The following MORF4L1 variants were observed in gnomAD, a reference collection of about 807,000 sequenced individuals.
MORF4L1 encodes mortality factor 4 like 1.
MORF4L1 carries 4 observed loss-of-function variants against 52.9 expected under a neutral mutation model. The observed-to-expected ratio is 0.08, with a 90% CI of 0.04 to 0.17. The LOEUF (loss-of-function observed/expected upper bound fraction) is 0.17. MORF4L1 is among the 10% of genes least tolerant of loss of function. The probability of loss-of-function intolerance (pLI) is 1.00; values close to 1 mark genes in which losing one functional copy is unlikely to be tolerated. For synonymous variants in MORF4L1, 123 were observed against 134.8 expected (o/e 0.91, Z 0.61); for missense variants, 214 against 390.4 (o/e 0.55, Z 3.81).
At position 78,873,338 on chromosome 15, in the gene MORF4L1, G is replaced by T. The variant is rs1258759869; in HGVS notation, c.40+281G>T. 5 of 960,860 alleles carry T rather than the reference G, an allele frequency of 5.2e-6. No individual in the cohort carries two copies. The African/African-American group carries it at 7.0e-5, about 13-fold the overall frequency. The allele number at this position is 960,860 out of a possible 1,614,324, so 59.5% of individuals were successfully genotyped here. A position where few individuals can be genotyped will look rare whatever the true frequency, so the allele number is the denominator to read the frequency against. ...AAGTGTTTGTTATTGTTCTGAGGAA[G>T]AGGGCGCGGAGAGAGCAGCCTATTG... On this transcript the variant is annotated intron_variant, in intron 1 of 11. Transcript: ENST00000426013.
intron 3 of MORF4L1, among the ~76,000 whole-genome samples, chr15:78,884,302 A>G (rs2056656399): frequency 6.6e-6 from 1 of 152,008 alleles, no homozygotes; most frequent in African/African-American, 2.4e-5. Context: ...TCACGAGGTC[A>G]GGAGTTCAAA....
intron 5 of MORF4L1, among the ~76,000 whole-genome samples, chr15:78,888,033 A>G (rs962888348): frequency 1.1e-4 from 17 of 152,242 alleles, no homozygotes; most frequent in Admixed American, 3.9e-4. Flanking sequence ...TTGGCCTCCC[A>G]GAGTGCTGGG....
At chr15:78,896,811 C>A (rs942765900) in intron 11 of MORF4L1, among the ~76,000 whole-genome samples, 172 bp from the exon 12 acceptor site, 2 of 152,034 alleles carry the variant, frequency 1.3e-5, no homozygotes, top group African/African-American at 2.4e-5. Flanking sequence ...CATTGTATAA[C>A]CTTATTTATT....
chr15:78,893,315 G>A (rs1309000872), intron 8 of MORF4L1, among the ~76,000 whole-genome samples: 1 of 152,144 alleles, frequency 6.6e-6, no homozygotes, highest in Non-Finnish European at 1.5e-5. Flanking sequence ...GGGTTACATC[G>A]CAATAAACCC....
intron 2 of MORF4L1, among the ~76,000 whole-genome samples, chr15:78,879,195 A>ACTCT (rs371479414): frequency 6.6e-6 from 1 of 151,550 alleles, no homozygotes. Context: ...ACCAAGCGAG[A>ACTCT]CTCTCTCTCT....
intron 1 of MORF4L1, chr15:78,877,749 A>T (rs950351418): frequency 6.5e-6 from 1 of 152,738 alleles, no homozygotes; most frequent in Non-Finnish European, 1.5e-5. Context: ...AATCCAGCCA[A>T]TCTCTGATGC....
Position 78,892,296 on chromosome 15 carries a change from A to C in MORF4L1, c.523A>C (p.Ile175Leu). The C allele has an allele frequency of 6.2e-7, 1 of 1,613,190 alleles. No individual in the cohort carries two copies. ...KPWLVDDWDL[I>L]TRQKQLFYLP... ...GTGGCTTGTTGATGACTGGGACTTA[A>C]TTACCAGGCAAAAACAGGTAACTTG... Residue 175 changes from isoleucine to leucine, a missense_variant, in exon 8 of 12, where the codon ATT becomes CTT. Around this residue, in one of 5 missense-constraint regions of MORF4L1, gnomAD observed 68 missense variants for 171.6 expected, o/e 0.40. Coordinates refer to ENST00000426013, the MANE Select transcript of MORF4L1 (RefSeq NM_006791.4).
chr15:78,878,334 G>T, intron 2 of MORF4L1, 75 bp downstream of exon 2: 1 of 1,349,342 alleles, frequency 7.4e-7, no homozygotes, highest in South Asian at 1.4e-5. Flanking sequence ...TACAAGTACA[G>T]TATTTTGTTG....
At chr15:78,879,238 C>CCGCCG (rs1200582592) in intron 2 of MORF4L1, among the ~76,000 whole-genome samples, 7 of 151,934 alleles carry the variant, frequency 4.6e-5, no homozygotes, top group East Asian at 1.9e-4. Flanking sequence ...CCGCCCCGCC[C>CCGCCG]CCCAAGACAG....
At chr15:78,874,330 T>G (rs2056436704) in intron 1 of MORF4L1, among the ~76,000 whole-genome samples, 1 of 151,972 alleles carries the variant, frequency 6.6e-6, no homozygotes, top group African/African-American at 2.4e-5. Context: ...TATTTTAAGT[T>G]TATGGAATAT....
Position 78,894,335 on chromosome 15 carries a change from A to G in MORF4L1, c.802+105A>G, listed in dbSNP as rs139904656. The G allele has an allele frequency of 1.1e-4, 97 of 886,928 alleles. No individual in the cohort carries two copies. In the East Asian group the frequency reaches 1.3e-3, roughly 12 times the overall value. The allele number at this position is 886,928 out of a possible 1,614,324, so 54.9% of individuals were successfully genotyped here. A position where few individuals can be genotyped will look rare whatever the true frequency, so the allele number is the denominator to read the frequency against. Reference sequence around the variant, plus strand: ...TTTCCAAAACATGACTCCCATTTTAATTTGAACTTTTATCTAGAATGTTAA... The same window carrying G: ...TTTCCAAAACATGACTCCCATTTTAGTTTGAACTTTTATCTAGAATGTTAA... On this transcript the variant is annotated intron_variant, in intron 10 of 11. Transcript: ENST00000426013.
At chr15:78,876,051 C>T (rs1464242270) in intron 1 of MORF4L1, among the ~76,000 whole-genome samples, 1 of 151,830 alleles carries the variant, frequency 6.6e-6, no homozygotes, top group Non-Finnish European at 1.5e-5. Flanking sequence ...GATTCACCTG[C>T]CTCAGCCTCC....
intron 1 of MORF4L1, among the ~76,000 whole-genome samples, chr15:78,875,316 C>T (rs1264063870): frequency 6.6e-6 from 1 of 152,148 alleles, no homozygotes; most frequent in Non-Finnish European, 1.5e-5. Flanking sequence ...CAGAGATTTC[C>T]TTGTGCCGTT....
chr15:78,876,036 C>G (rs2056482273), intron 1 of MORF4L1, among the ~76,000 whole-genome samples: 1 of 151,754 alleles, frequency 6.6e-6, no homozygotes, highest in Non-Finnish European at 1.5e-5. Flanking sequence ...CTCCTGGGTT[C>G]AAGCGATTCA....
chr15:78,883,771 A>C lies in MORF4L1; in HGVS notation c.156-2370A>C, dbSNP rs142436490. 2.2e-3 allele frequency among the ~76,000 whole-genome samples: 341 copies of C among 152,324 alleles called. 2 individuals carry two copies. Among genetic ancestry groups the C allele is most frequent in the African/African-American group, 7.9e-3 (328 of 41,562 alleles). ...TGAAAGAATGATCTTAGCTTTAGAAAGTCTTTAAAGAAACCTTTAAATTCA... is the reference window on the plus strand; with the variant it reads ...TGAAAGAATGATCTTAGCTTTAGAACGTCTTTAAAGAAACCTTTAAATTCA... On this transcript the variant is annotated intron_variant, in intron 3 of 11. Transcript: ENST00000426013.
intron 4 of MORF4L1, 90 bp downstream of exon 4, chr15:78,886,317 C>T (rs532399496): frequency 1.8e-6 from 2 of 1,140,546 alleles, no homozygotes; most frequent in African/African-American, 3.1e-5. Context: ...ATGTTGGCTG[C>T]CCTGCCTATA....
intron 3 of MORF4L1, 124 bp downstream of exon 3, chr15:78,880,703 A>G: frequency 3.1e-6 from 2 of 649,714 alleles, no homozygotes; most frequent in East Asian, 6.2e-5. Context: ...ATTGAAGCAA[A>G]GGTGAATCAT....
At chr15:78,888,621 C>A (rs192466929) in intron 5 of MORF4L1, among the ~76,000 whole-genome samples, 1 of 151,980 alleles carries the variant, frequency 6.6e-6, no homozygotes, top group Non-Finnish European at 1.5e-5. Flanking sequence ...TAAGGTGTTA[C>A]ACCCAGTGCT....
At chr15:78,894,004 CTA>C in intron 9 of MORF4L1, 52 bp from the exon 10 acceptor site, 2 of 1,480,822 alleles carry the variant, frequency 1.4e-6, no homozygotes, top group Non-Finnish European at 1.9e-6. Flanking sequence ...GAATTATTCT[CTA>C]TGTCAGTTAT....
Sources: gnomAD v4.1 joint callset for allele counts (sites outside exome capture counted in the v4.1 genomes callset) on GRCh38, gnomAD v4.1.1 for gene constraint, gnomAD v4.1.1 regional missense constraint, MANE v1.5 for transcripts, NCBI Gene and HGNC (gene_info 2026-07-23, HGNC 2026-07-21) for gene names.